Variants in FBXL5 observed in about 807,000 individuals in gnomAD.
FBXL5 encodes F-box/LRR-repeat protein 5.
A neutral mutation model predicts 78.3 loss-of-function variants in FBXL5; 26 were observed. The observed-to-expected ratio is 0.33, with a 90% CI of 0.24 to 0.46. FBXL5 has a LOEUF of 0.46. FBXL5 is among the 20% of genes least tolerant of loss of function. The pLI is 1.00. For synonymous variants in FBXL5, 295 were observed against 282.5 expected (o/e 1.04, Z -0.45); for missense variants, 710 against 829.2 (o/e 0.86, Z 1.77).
chr4:15,635,231 G>C (rs1714129218), intron 5 of FBXL5, among the ~76,000 whole-genome samples: 1 of 151,680 alleles, frequency 6.6e-6, no homozygotes, highest in Non-Finnish European at 1.5e-5. Flanking sequence ...TACTTGGGAG[G>C]CTGAGGCAGG....
rs533287883 is a variant in FBXL5, at chr4:15,627,983, G to A, written c.943C>T (p.Arg315Cys). The change falls in exon 7 of 11, where the codon CGT (arginine) becomes TGT (cysteine). Residue 315 changes from arginine (R) to cysteine (C), a missense_variant. Arg to Cys is a radical substitution (Grantham distance 180). Around this residue, in one of 4 missense-constraint regions of FBXL5, gnomAD observed 517 missense variants for 542.9 expected, o/e 0.95. Transcript: ENST00000341285. ...IAISIAQMEK[R>C]LLHGLIHNVL... Reference sequence around the variant, plus strand: ...TTATGAATTAAGCCATGGAGTAAACGTTTTTCCATTTGTGCAATGCTGATA... The same window carrying A: ...TTATGAATTAAGCCATGGAGTAAACATTTTTCCATTTGTGCAATGCTGATA... The A allele has an allele frequency of 2.4e-4, 394 of 1,613,580 alleles. 4 individuals carry two copies. The South Asian group carries it at 4.1e-3, about 17-fold the overall frequency.
chr4:15,644,547 G>C lies in FBXL5; in HGVS notation c.246C>G (p.Asp82Glu). The change falls in exon 2 of 11, where the codon GAC becomes GAG. Residue 82 changes from aspartate to glutamate, a missense_variant. By Grantham distance (45) the Asp-to-Glu change is conservative (BLOSUM62 2). Transcript: ENST00000341285. ...RSQTIYNVHS[D>E]NKLSEMLSLF... The stretch of plus-strand genomic sequence containing the variant: ...GGCTAAGCATCTCGGAGAGTTTATT[G>C]TCAGAATGTACATTATAAATGGTCT... 6.2e-7 allele frequency: 1 copy of C among 1,613,976 alleles called. No individual in the cohort carries two copies. Among genetic ancestry groups the C allele is most frequent in the Non-Finnish European group, 8.5e-7 (1 of 1,179,962 alleles).
chr4:15,635,475 CG>C (rs1422650342), intron 5 of FBXL5, among the ~76,000 whole-genome samples: 1 of 151,820 alleles, frequency 6.6e-6, no homozygotes, highest in Non-Finnish European at 1.5e-5. Flanking sequence ...TCCCCTGGGC[CG>C]GGTCTGGTGG....
upstream of FBXL5, among the ~76,000 whole-genome samples, chr4:15,662,535 G>T (rs932126670): frequency 1.3e-5 from 2 of 152,144 alleles, no homozygotes; most frequent in African/African-American, 4.8e-5. Flanking sequence ...TATCCCAAGA[G>T]ATCATCAGAT....
At chr4:15,657,531 T>G (rs183065394), upstream of FBXL5, among the ~76,000 whole-genome samples, 633 of 152,344 alleles carry the variant, frequency 4.2e-3, 3 homozygotes, top group Non-Finnish European at 6.4e-3. Flanking sequence ...CCACACAGTT[T>G]CACTGTAACC....
intron 7 of FBXL5, 27 bp downstream of exon 7, chr4:15,627,858 C>G (rs563875494): frequency 6.3e-7 from 1 of 1,582,576 alleles, no homozygotes; most frequent in Admixed American, 1.8e-5. Flanking sequence ...TTTCTTAATA[C>G]CCAAACTAGT....
Position 15,605,435 on chromosome 4 carries a change from A to G in FBXL5, c.*288T>C. On this transcript the variant is annotated 3_prime_UTR_variant, in exon 11 of 11. Transcript: ENST00000341285. ...AATTATCTATGAAATACTTTAAATGACATGGCATTACCAACATTCTTTAAA... is the reference window on the plus strand; with the variant it reads ...AATTATCTATGAAATACTTTAAATGGCATGGCATTACCAACATTCTTTAAA... 1 of 295,556 alleles carries G rather than the reference A, an allele frequency of 3.4e-6. No homozygotes were observed. Among genetic ancestry groups the G allele is most frequent in the South Asian group, 4.4e-5 (1 of 22,620 alleles). The allele number at this position is 295,556 out of a possible 1,614,324, so 18.3% of individuals were successfully genotyped here. A position where few individuals can be genotyped will look rare whatever the true frequency, so the allele number is the denominator to read the frequency against.
upstream of FBXL5, among the ~76,000 whole-genome samples, chr4:15,664,611 G>T (rs1041175689): frequency 7.7e-6 from 1 of 129,758 alleles, no homozygotes; most frequent in Non-Finnish European, 1.5e-5. Context: ...AGGCTGGAGT[G>T]CAATGGTACG....
At chr4:15,618,027 T>C (rs1032266953) in intron 9 of FBXL5, among the ~76,000 whole-genome samples, 6 of 152,046 alleles carry the variant, frequency 3.9e-5, no homozygotes, top group African/African-American at 1.2e-4. Flanking sequence ...AAATCCAAAG[T>C]AGCAGGAGGG....
intron 3 of FBXL5, among the ~76,000 whole-genome samples, chr4:15,639,083 G>A (rs991718763): frequency 2.6e-5 from 4 of 152,208 alleles, no homozygotes; most frequent in African/African-American, 9.6e-5. Context: ...AGAATCACTT[G>A]AACCTGGGAG....
At chr4:15,627,037 C>A (rs1020492495) in intron 7 of FBXL5, 82 bp from the exon 8 acceptor site, 32 of 730,588 alleles carry the variant, frequency 4.4e-5, no homozygotes, top group Non-Finnish European at 6.2e-5. Flanking sequence ...TAAACATAAT[C>A]TAGTTCACAA....
chr4:15,644,979 G>T (rs1481587457), intron 1 of FBXL5, among the ~76,000 whole-genome samples: 2 of 152,192 alleles, frequency 1.3e-5, no homozygotes, highest in South Asian at 2.1e-4. Flanking sequence ...AAAGAGAAGA[G>T]ATTAAACCAG....
In FBXL5 at chr4:15,638,515, T is replaced by C; in HGVS notation, c.576A>G (p.Ser192=). Residue 192 remains serine, a synonymous_variant, in exon 4 of 11, where the codon TCA becomes TCG. Transcript: ENST00000341285. ...KFFKYSVDEK[S]DKEAEVSEHS... Reference sequence around the variant, plus strand: ...TATATATATGAATCTCACCTTTATCTGACTTTTCATCCACGGAATATTTAA... The same window carrying C: ...TATATATATGAATCTCACCTTTATCCGACTTTTCATCCACGGAATATTTAA... 2 of 1,590,568 alleles carry C rather than the reference T, an allele frequency of 1.3e-6. No homozygotes were observed. The highest frequency in any genetic ancestry group is 8.5e-7 in the Non-Finnish European group (1 of 1,173,254).
upstream of FBXL5, among the ~76,000 whole-genome samples, chr4:15,659,333 A>G (rs1717193312): frequency 6.6e-6 from 1 of 152,206 alleles, no homozygotes; most frequent in African/African-American, 2.4e-5. Flanking sequence ...GGTTTTTAAG[A>G]AAAACTAATC....
chr4:15,614,657 T>C (rs2148532814), intron 9 of FBXL5, among the ~76,000 whole-genome samples: 1 of 152,182 alleles, frequency 6.6e-6, no homozygotes, highest in East Asian at 1.9e-4. Context: ...CTGTGGGGGA[T>C]TAAGGTATGG....
chr4:15,621,515 C>T (rs1712477442), intron 9 of FBXL5, among the ~76,000 whole-genome samples: 1 of 152,136 alleles, frequency 6.6e-6, no homozygotes, highest in Non-Finnish European at 1.5e-5. Context: ...CCTCAGTGTT[C>T]ATCAACAGAT....
intron 9 of FBXL5, among the ~76,000 whole-genome samples, chr4:15,624,316 CATT>C (rs879674829): frequency 3.3e-5 from 5 of 152,000 alleles, no homozygotes; most frequent in Non-Finnish European, 5.9e-5. Flanking sequence ...TATTGTGTAT[CATT>C]GTTAGATGCC....
intron 7 of FBXL5, among the ~76,000 whole-genome samples, 176 bp from the exon 8 acceptor site, chr4:15,627,131 C>CTTTTTTTTTTTTTTTTTTTTTTTTCT (rs33920814): frequency 1.1e-5 from 1 of 87,828 alleles, no homozygotes; most frequent in South Asian, 4.3e-4. Flanking sequence ...CTGAGAATCT[C>CTTTTTTTTTTTTTTTTTTTTTTTTCT]TTTTTTTTTT....
At chr4:15,635,945 A>C (rs1346737054) in intron 5 of FBXL5, among the ~76,000 whole-genome samples, 1 of 152,140 alleles carries the variant, frequency 6.6e-6, no homozygotes, top group Non-Finnish European at 1.5e-5. Flanking sequence ...ACTGTGATTC[A>C]GAGAATGTGG....
Sources: gnomAD v4.1 joint callset for allele counts (sites outside exome capture counted in the v4.1 genomes callset) on GRCh38, gnomAD v4.1.1 for gene constraint, gnomAD v4.1.1 regional missense constraint, MANE v1.5 for transcripts, NCBI Gene and HGNC (gene_info 2026-07-23, HGNC 2026-07-21) for gene names.